The following STARD13 variants were observed in gnomAD, a reference collection of about 807,000 sequenced individuals.
STARD13 encodes stAR-related lipid transfer protein 13.
STARD13 carries 62 observed loss-of-function variants against 106.4 expected under a neutral mutation model. The observed-to-expected ratio is 0.58, with a 90% CI of 0.48 to 0.72. STARD13 has a LOEUF of 0.72. STARD13 is among the 30% of genes least tolerant of loss of function. The probability of loss-of-function intolerance (pLI) is 0.00; values close to 1 mark genes in which losing one functional copy is unlikely to be tolerated. For synonymous variants in STARD13, 565 were observed against 553.0 expected, an observed-to-expected ratio of 1.02 and a Z score of -0.31; for missense variants, 1,387 against 1,424.0, an observed-to-expected ratio of 0.97 and a Z score of 0.42.
the STARD13 span, among the ~76,000 whole-genome samples, chr13:33,600,301 T>G: frequency 6.6e-6 from 1 of 152,218 alleles, no homozygotes; most frequent in African/African-American, 2.4e-5. Flanking sequence ...AATCTTGATT[T>G]GACCCAGGAT....
chr13:33,222,492 A>G (rs1888410512), intron 1 of STARD13, among the ~76,000 whole-genome samples: 1 of 152,240 alleles, frequency 6.6e-6, no homozygotes, highest in Non-Finnish European at 1.5e-5. Flanking sequence ...CAAATTATTA[A>G]TAATTTCAAG....
intron 1 of STARD13, among the ~76,000 whole-genome samples, chr13:33,209,878 T>TG (rs1274629115): frequency 2.3e-4 from 35 of 151,880 alleles, no homozygotes; most frequent in African/African-American, 8.0e-4. Context: ...GAGGCTGAGG[T>TG]GGGAGGATCA....
At chr13:33,399,572 G>T in the STARD13 span, among the ~76,000 whole-genome samples, 1 of 151,566 alleles carries the variant, frequency 6.6e-6, no homozygotes, top group African/African-American at 2.4e-5. Context: ...GTGGTGGCTG[G>T]TGCCTGTAGT....
chr13:33,304,186 A>T (rs761366597), intron 1 of STARD13, among the ~76,000 whole-genome samples: 9 of 152,242 alleles, frequency 5.9e-5, no homozygotes, highest in Non-Finnish European at 1.3e-4. Flanking sequence ...CTTGTTACTG[A>T]GCCATAGATG....
chr13:33,392,609 G>A, the STARD13 span, among the ~76,000 whole-genome samples: 3 of 151,414 alleles, frequency 2.0e-5, no homozygotes, highest in Non-Finnish European at 2.9e-5. Flanking sequence ...CATGTTGGCC[G>A]GGCTGGTTTC....
chr13:33,236,670 C>T (rs1173829176), intron 1 of STARD13, among the ~76,000 whole-genome samples: 1 of 152,158 alleles, frequency 6.6e-6, no homozygotes, highest in East Asian at 1.9e-4. Flanking sequence ...TCCTTATTAT[C>T]TTGAGTCCTC....
At chr13:33,435,428 G>A in the STARD13 span, among the ~76,000 whole-genome samples, 1 of 152,138 alleles carries the variant, frequency 6.6e-6, no homozygotes, top group Non-Finnish European at 1.5e-5. Flanking sequence ...AAGCTCTTAA[G>A]CTTTATGTGG....
At chr13:33,463,221 G>A in the STARD13 span, among the ~76,000 whole-genome samples, 5 of 152,330 alleles carry the variant, frequency 3.3e-5, no homozygotes, top group African/African-American at 1.2e-4. Flanking sequence ...CCAGAGCACA[G>A]CAACAACAGG....
At chr13:33,586,929 G>A in the STARD13 span, among the ~76,000 whole-genome samples, 4 of 152,034 alleles carry the variant, frequency 2.6e-5, no homozygotes, top group Non-Finnish European at 5.9e-5. Flanking sequence ...TTTTCTCCTA[G>A]TTGGCCGAGC....
chr13:33,165,972 G>A (rs952384268), intron 2 of STARD13, among the ~76,000 whole-genome samples: 2 of 152,134 alleles, frequency 1.3e-5, no homozygotes, highest in African/African-American at 4.8e-5. Context: ...GACAATTCAT[G>A]CCAGCTTTGA....
At chr13:33,309,761 C>T (rs1249623386) in intron 1 of STARD13, among the ~76,000 whole-genome samples, 2 of 152,166 alleles carry the variant, frequency 1.3e-5, no homozygotes, top group Admixed American at 6.5e-5. Flanking sequence ...GAAAAGACAG[C>T]AGGAAATACT....
chr13:33,186,055 A>T, intron 1 of STARD13: 3 of 1,612,790 alleles, frequency 1.9e-6, no homozygotes, highest in Non-Finnish European at 2.5e-6. Context: ...CAAGGAGCAG[A>T]TGATAGTCCT....
intron 1 of STARD13, among the ~76,000 whole-genome samples, chr13:33,208,777 G>A (rs1887555621): frequency 1.3e-5 from 2 of 152,202 alleles, no homozygotes; most frequent in Non-Finnish European, 2.9e-5. Flanking sequence ...TGTGAGTCCA[G>A]GGAGATATGT....
the STARD13 span, among the ~76,000 whole-genome samples, chr13:33,446,690 A>G: frequency 6.6e-6 from 1 of 152,182 alleles, no homozygotes; most frequent in African/African-American, 2.4e-5. Context: ...ATTAGCGTTC[A>G]TGTATTTGAA....
the STARD13 span, among the ~76,000 whole-genome samples, chr13:33,504,355 C>T: frequency 6.6e-6 from 1 of 152,048 alleles, no homozygotes; most frequent in East Asian, 1.9e-4. Context: ...TGAACCAACC[C>T]AAATGTTCAT....
At chr13:33,241,197 A>C (rs1025453082) in intron 1 of STARD13, among the ~76,000 whole-genome samples, 1 of 152,254 alleles carries the variant, frequency 6.6e-6, no homozygotes, top group African/African-American at 2.4e-5. Flanking sequence ...TCTACAATCT[A>C]TTAAGTGTCA....
the STARD13 span, among the ~76,000 whole-genome samples, chr13:33,549,552 C>T: frequency 6.6e-6 from 1 of 152,214 alleles, no homozygotes; most frequent in African/African-American, 2.4e-5. Context: ...GCCCATCACA[C>T]ATTTTCACCA....
chr13:33,253,672 T>G (rs1890197194), intron 1 of STARD13, among the ~76,000 whole-genome samples: 2 of 152,302 alleles, frequency 1.3e-5, no homozygotes, highest in South Asian at 2.1e-4. Flanking sequence ...CAGCTGTGTC[T>G]GCTTCATGTG....
At chr13:33,319,438 T>C (rs1893469879) in intron 1 of STARD13, among the ~76,000 whole-genome samples, 1 of 152,206 alleles carries the variant, frequency 6.6e-6, no homozygotes, top group South Asian at 2.1e-4. Flanking sequence ...GTGATAAAAA[T>C]ATTCTGGAAT....
Sources: allele counts gnomAD v4.1 joint callset (sites outside exome capture counted in the v4.1 genomes callset), GRCh38; gene constraint gnomAD v4.1.1; transcripts MANE v1.5; gene names NCBI Gene and HGNC (gene_info 2026-07-23, HGNC 2026-07-21).